TRABD2B: variants seen among roughly 807,000 people sequenced by gnomAD.
TRABD2B encodes the protein TraB domain containing 2B.
A neutral mutation model predicts 40.1 loss-of-function variants in TRABD2B; 14 were observed. That is an observed-to-expected ratio of 0.35 (90% CI 0.23 to 0.55). The LOEUF is 0.55. Ranked by LOEUF, TRABD2B falls within the 20% of genes least tolerant of loss-of-function variation. The pLI, the probability that TRABD2B is intolerant of heterozygous loss-of-function variation, is 0.90. For synonymous variants in TRABD2B, 263 were observed against 277.0 expected (o/e 0.95, Z 0.50); for missense variants, 541 against 648.6 (o/e 0.83, Z 1.80).
chr1:47,770,538 CCTGT>C (rs1644364650), intron 6 of TRABD2B, among the ~76,000 whole-genome samples: 1 of 152,194 alleles, frequency 6.6e-6, no homozygotes, highest in South Asian at 2.1e-4. Flanking sequence ...GCTGGAAGGG[CCTGT>C]CTGTCCCTCA....
At chr1:47,897,204 T>C (rs370705597) in intron 2 of TRABD2B, among the ~76,000 whole-genome samples, 1 of 151,882 alleles carries the variant, frequency 6.6e-6, no homozygotes, top group East Asian at 1.9e-4. Flanking sequence ...TAAAGACACA[T>C]AAGAGATGAG....
chr1:47,788,641 C>G (rs1229333414), intron 4 of TRABD2B, among the ~76,000 whole-genome samples: 2 of 152,174 alleles, frequency 1.3e-5, no homozygotes, highest in Non-Finnish European at 2.9e-5. Flanking sequence ...GCAAATAATG[C>G]TAGCATGTTA....
chr1:47,851,272 C>T (rs552320564), intron 2 of TRABD2B, among the ~76,000 whole-genome samples: 1 of 152,272 alleles, frequency 6.6e-6, no homozygotes, highest in East Asian at 1.9e-4. Context: ...CATGGCCCAC[C>T]CCAGCCCTTC....
intron 2 of TRABD2B, among the ~76,000 whole-genome samples, chr1:47,946,437 T>C (rs1412568622): frequency 6.6e-6 from 1 of 152,184 alleles, no homozygotes; most frequent in Non-Finnish European, 1.5e-5. Context: ...TGAGAGTTTT[T>C]ATCATGAGCA....
At chr1:47,775,149 G>A in intron 6 of TRABD2B, 21 bp downstream of exon 6, 1 of 1,233,348 alleles carries the variant, frequency 8.1e-7, no homozygotes, top group Middle Eastern at 3.1e-4. Context: ...CTCCTGGGCA[G>A]ACCTGCCCTC....
At chr1:47,935,401 T>C (rs760543469) in intron 2 of TRABD2B, among the ~76,000 whole-genome samples, 7 of 152,202 alleles carry the variant, frequency 4.6e-5, no homozygotes, top group Admixed American at 1.3e-4. Context: ...GTCGTCACTG[T>C]ATTGCAACAG....
intron 2 of TRABD2B, among the ~76,000 whole-genome samples, chr1:47,928,590 G>A (rs1644999610): frequency 6.6e-6 from 1 of 152,230 alleles, no homozygotes; most frequent in African/African-American, 2.4e-5. Flanking sequence ...AGAAGGGAAA[G>A]AATAGGAAGA....
At chr1:47,868,292 TGGCTGGTAA>T (rs1233494388) in intron 2 of TRABD2B, among the ~76,000 whole-genome samples, 1 of 152,142 alleles carries the variant, frequency 6.6e-6, no homozygotes, top group African/African-American at 2.4e-5. Context: ...ATCTGACATA[TGGCTGGTAA>T]ACACTTTTCA....
At chr1:47,937,501 T>G (rs1645128940) in intron 2 of TRABD2B, among the ~76,000 whole-genome samples, 1 of 152,152 alleles carries the variant, frequency 6.6e-6, no homozygotes, top group African/African-American at 2.4e-5. Flanking sequence ...ATCACTATCA[T>G]TGTCATCACC....
Position 47,775,357 on chromosome 1 carries a change from CG to C in TRABD2B, c.1161del (p.Glu388LysfsTer5). ...PAPVTPAAAV[P>X]EAPSVTPTAP... ...GCGGTGGGGGTCACAGAGGGTGCTT[CG>C]GGGACAGCGGCAGCTGGGGTCACTG... On this transcript the variant is annotated frameshift_variant, in exon 6 of 7. Transcript: ENST00000606738. LOFTEE classifies it high-confidence loss of function. The C allele has an allele frequency of 1.6e-6, 2 of 1,238,488 alleles. No individual in the cohort carries two copies. Among genetic ancestry groups the C allele is most frequent in the Non-Finnish European group, 2.0e-6 (2 of 990,040 alleles). The allele number at this position is 1,238,488 out of a possible 1,614,324, so 76.7% of individuals were successfully genotyped here. A position where few individuals can be genotyped will look rare whatever the true frequency, so the allele number is the denominator to read the frequency against.
rs554926659 is a variant in TRABD2B at position 47,804,619 on chromosome 1, A to G, written c.667-3000T>C. Among the ~76,000 whole-genome samples the G allele has an allele frequency of 2.0e-5, 3 of 152,280 alleles. No homozygotes were observed. In the South Asian group the frequency reaches 6.2e-4, roughly 32 times the overall value. On this transcript the variant is annotated intron_variant, in intron 2 of 6. Coordinates refer to ENST00000606738, the MANE Select transcript of TRABD2B (RefSeq NM_001194986.2). ...CACAGAGTTGCTTCTGCAATCATGC[A>G]ACCATCACAGAGCTGGAAGGTGTTC...
chr1:47,869,607 T>C (rs1367615586), intron 2 of TRABD2B, among the ~76,000 whole-genome samples: 1 of 152,172 alleles, frequency 6.6e-6, no homozygotes, highest in African/African-American at 2.4e-5. Context: ...GCTGTGGAGT[T>C]GACCAGTTCT....
Position 47,788,167 on chromosome 1 carries a change from T to C in TRABD2B, c.988+6419A>G, listed in dbSNP as rs184834312. Among the ~76,000 whole-genome samples, 58 of 152,330 alleles carry C rather than the reference T, an allele frequency of 3.8e-4. 1 individual carries two copies. Among genetic ancestry groups the C allele is most frequent in the African/African-American group, 1.4e-3 (58 of 41,578 alleles). ...AGGAATTGAGGATGTGGAAGGGCCA[T>C]ATAAGTTGATGGATATGGGAATTTT... On this transcript the variant is annotated intron_variant, in intron 4 of 6. Transcript: ENST00000606738.
chr1:47,823,235 G>A (rs1301744224), intron 2 of TRABD2B, among the ~76,000 whole-genome samples: 2 of 152,272 alleles, frequency 1.3e-5, no homozygotes, highest in Non-Finnish European at 2.9e-5. Flanking sequence ...CAGAAAGTCT[G>A]CCAAGCTGCT....
At chr1:47,803,839 T>C (rs1297294533) in intron 2 of TRABD2B, among the ~76,000 whole-genome samples, 2 of 152,356 alleles carry the variant, frequency 1.3e-5, no homozygotes, top group East Asian at 1.9e-4. Flanking sequence ...GGTCACTTCA[T>C]AGTTCAAGGC....
chr1:47,924,000 C>T (rs1245678310), intron 2 of TRABD2B, among the ~76,000 whole-genome samples: 1 of 150,602 alleles, frequency 6.6e-6, no homozygotes, highest in Non-Finnish European at 1.5e-5. Context: ...CTGGAGAACC[C>T]GACTTATGAA....
rs558639472 is a variant in TRABD2B, at chr1:47,897,531, T to C, written c.667-95912A>G. 1.4e-4 allele frequency among the ~76,000 whole-genome samples: 22 copies of C among 152,302 alleles called. No homozygotes were observed. In the South Asian group the frequency reaches 4.6e-3, roughly 32 times the overall value. On this transcript the variant is annotated intron_variant, in intron 2 of 6. Coordinates refer to ENST00000606738, the MANE Select transcript of TRABD2B (RefSeq NM_001194986.2). The stretch of plus-strand genomic sequence containing the variant: ...AGCTGCAAAGATGGAAGATTTTTGA[T>C]GTGTTTTGGTAAAATGTGAATTGCA...
intron 2 of TRABD2B, among the ~76,000 whole-genome samples, chr1:47,910,363 C>T (rs1644745838): frequency 6.6e-6 from 1 of 152,244 alleles, no homozygotes; most frequent in South Asian, 2.1e-4. Flanking sequence ...GAAGGCCTTT[C>T]CTGACTACTC....
chr1:47,878,938 G>T (rs1452697556), intron 2 of TRABD2B, among the ~76,000 whole-genome samples: 2 of 136,286 alleles, frequency 1.5e-5, no homozygotes, highest in South Asian at 2.3e-4. Context: ...CTCTACAAAA[G>T]ATTTTTTTTT....
Sources: gnomAD v4.1 joint callset for allele counts (sites outside exome capture counted in the v4.1 genomes callset) on GRCh38, gnomAD v4.1.1 for gene constraint, MANE v1.5 for transcripts, NCBI Gene and HGNC (gene_info 2026-07-23, HGNC 2026-07-21) for gene names.